The following COL1A2 variants were observed in gnomAD, a reference collection of about 807,000 sequenced individuals.
COL1A2 encodes collagen alpha-2(I) chain.
Under a neutral mutation model 174.3 loss-of-function variants are expected in COL1A2, and 49 were observed. The ratio of observed to expected loss-of-function variants is 0.28; its 90% CI spans 0.22 to 0.36. The LOEUF is 0.36. Ranked by LOEUF, COL1A2 falls within the 10% of genes least tolerant of loss-of-function variation. The probability of loss-of-function intolerance (pLI) is 1.00; values close to 1 mark genes in which losing one functional copy is unlikely to be tolerated. For missense variants in COL1A2, 1,438 were observed against 1,822.7 expected (o/e 0.79, Z 3.84); for synonymous variants, 655 against 606.6 (o/e 1.08, Z -1.17).
At chr7:94,429,869 A>AT (rs1792363478) in intron 51 of COL1A2, 1 of 271,402 alleles carries the variant, frequency 3.7e-6, no homozygotes, top group South Asian at 5.3e-5. Flanking sequence ...TATGCTATAA[A>AT]TATAAGAAAA....
At chr7:94,421,308 C>A in intron 38 of COL1A2, 1 of 569,184 alleles carries the variant, frequency 1.8e-6, no homozygotes, top group Non-Finnish European at 3.1e-6. Flanking sequence ...ATTGTAAAGT[C>A]GGAAAAAATA....
At chr7:94,411,651 G>A (rs42522) in intron 23 of COL1A2, among the ~76,000 whole-genome samples, 119,008 of 152,132 alleles carry the variant, frequency 0.78, 46,767 homozygotes, top group East Asian at 0.91. Context: ...TGCCTCCATT[G>A]CCTCTTATGG....
rs776853005 is a variant in COL1A2 at position 94,410,437 on chromosome 7, A to C, written c.1107A>C (p.Gln369His). The C allele has an allele frequency of 1.3e-6, 2 of 1,551,490 alleles. No homozygotes were observed. Among genetic ancestry groups the C allele is most frequent in the Non-Finnish European group, 1.7e-6 (2 of 1,147,370 alleles). Residue 369 changes from glutamine (Q) to histidine (H), a missense_variant, in exon 21 of 52, where the codon CAA becomes CAC. By Grantham distance (24) the Gln-to-His change is conservative. Transcript: ENST00000297268. Reference sequence around the variant, plus strand: ...TTAAACAGGGCTCTGCTGGGCCCCAAGGTCCTCCTGGTCCCAGTGGTGAAG... The same window carrying C: ...TTAAACAGGGCTCTGCTGGGCCCCACGGTCCTCCTGGTCCCAGTGGTGAAG... The part of the protein sequence containing the change: ...NKGEPGSAGP[Q>H]GPPGPSGEEG...
rs750457065 is a variant in COL1A2, at chr7:94,417,747, T to C, written c.1887T>C (p.Ala629=). 1.3e-6 allele frequency: 2 copies of C among 1,599,040 alleles called. No homozygotes were observed. Among genetic ancestry groups the C allele is most frequent in the Non-Finnish European group, 1.7e-6 (2 of 1,172,684 alleles). ...GNKGEPGVVG[A]VGTAGPSGPS... ...AGGGTGAACCTGGTGTGGTTGGTGC[T>C]GTGGGCACTGCTGGTCCATCTGGTC... is the stretch of plus-strand genomic sequence containing the variant. The change falls in exon 32 of 52, where the codon GCT becomes GCC. Residue 629 remains alanine (A), a synonymous_variant. Coordinates refer to ENST00000297268, the MANE Select transcript of COL1A2 (RefSeq NM_000089.4).
At chr7:94,424,284 T>A (rs1792228857) in intron 40 of COL1A2, 52 bp from the exon 41 acceptor site, 1 of 1,473,110 alleles carries the variant, frequency 6.8e-7, no homozygotes, top group East Asian at 2.3e-5. Context: ...AGCCAACCTG[T>A]GTTATCACCT....
chr7:94,399,193 T>C (rs959499785), intron 4 of COL1A2, 109 bp downstream of exon 4: 5 of 981,712 alleles, frequency 5.1e-6, no homozygotes, highest in Non-Finnish European at 8.2e-6. Flanking sequence ...CAGATAATTG[T>C]ACACCCCTTT....
chr7:94,402,349 T>A (rs1791704209), intron 6 of COL1A2, among the ~76,000 whole-genome samples: 1 of 152,098 alleles, frequency 6.6e-6, no homozygotes, highest in South Asian at 2.1e-4. Flanking sequence ...ATATAGGAAA[T>A]GTTTCTTTTT....
At chr7:94,415,183 G>A in intron 29 of COL1A2, 43 bp from the exon 30 acceptor site, 1 of 1,574,524 alleles carries the variant, frequency 6.4e-7, no homozygotes, top group East Asian at 2.2e-5. Context: ...TGAATTTAGA[G>A]ATCACACACA....
In COL1A2 at chr7:94,426,745, A is replaced by C. The variant is rs763800647; in HGVS notation, c.3105+215A>C. ...GAGATAGAAATAGACATACAATAAA[A>C]TCTCCTGGTAACAATGTCCTTCAAC... On this transcript the variant is annotated intron_variant, in intron 46 of 51. Coordinates refer to ENST00000297268, the MANE Select transcript of COL1A2 (RefSeq NM_000089.4). 3.4e-4 allele frequency: 217 copies of C among 630,250 alleles called. 1 individual carries two copies. The highest frequency in any genetic ancestry group is 5.4e-4 in the Non-Finnish European group (193 of 358,986). 39.0% of individuals were successfully genotyped at this position (630,250 alleles called of 1,614,324 possible).
At chr7:94,414,196 A>G in intron 28 of COL1A2, 26 bp from the exon 29 acceptor site, 1 of 1,613,426 alleles carries the variant, frequency 6.2e-7, no homozygotes, top group Non-Finnish European at 8.5e-7. Flanking sequence ...CATGGGATTG[A>G]GATTTGTATT....
chr7:94,427,253 A>G lies in COL1A2; in HGVS notation c.3225A>G (p.Gly1075=), dbSNP rs756009155. The G allele has an allele frequency of 1.2e-6, 2 of 1,613,764 alleles. No individual in the cohort carries two copies. The highest frequency in any genetic ancestry group is 1.7e-4 in the Middle Eastern group (1 of 6,054). Residue 1075 remains glycine (G), a synonymous_variant, in exon 48 of 52, where the codon GGA becomes GGG. Coordinates refer to ENST00000297268, the MANE Select transcript of COL1A2 (RefSeq NM_000089.4). ...GCACTGGACATCCTGGTACAGTTGG[A>G]CCTGCTGGCATTCGAGGCCCTCAGG... ...DGRTGHPGTV[G]PAGIRGPQGH...
At chr7:94,410,963 T>C (rs1348567865) in intron 22 of COL1A2, 21 bp downstream of exon 22, 1 of 1,613,696 alleles carries the variant, frequency 6.2e-7, no homozygotes, top group South Asian at 1.1e-5. Context: ...TATCACTTAC[T>C]TCCTAGAAAG....
intron 25 of COL1A2, 49 bp from the exon 26 acceptor site, chr7:94,413,034 A>G: frequency 1.9e-6 from 3 of 1,571,820 alleles, no homozygotes; most frequent in Non-Finnish European, 2.6e-6. Flanking sequence ...TTAATTTGAC[A>G]TTAAATGTGC....
At chr7:94,414,594 A>G (rs1791998690) in intron 29 of COL1A2, among the ~76,000 whole-genome samples, 1 of 152,210 alleles carries the variant, frequency 6.6e-6, no homozygotes, top group South Asian at 2.1e-4. Flanking sequence ...CCCATAGTGA[A>G]AAAGTAAATG....
At chr7:94,404,957 C>T in intron 9 of COL1A2, 65 bp downstream of exon 9, 3 of 1,573,070 alleles carry the variant, frequency 1.9e-6, no homozygotes, top group Non-Finnish European at 1.7e-6. Flanking sequence ...ACAAGATTTT[C>T]TAGATTCAAA....
chr7:94,420,486 G>A (rs1317567291), intron 36 of COL1A2, 42 bp downstream of exon 36: 28 of 1,614,040 alleles, frequency 1.7e-5, no homozygotes, highest in Middle Eastern at 1.6e-4. Flanking sequence ...AACATCCTAA[G>A]TTGGGGAGTA....
chr7:94,421,221 T>C, intron 38 of COL1A2, 159 bp downstream of exon 38: 1 of 736,532 alleles, frequency 1.4e-6, no homozygotes, highest in East Asian at 2.7e-5. Flanking sequence ...GATGTTAACT[T>C]GAACTCAGCT....
intron 29 of COL1A2, 38 bp from the exon 30 acceptor site, chr7:94,415,188 C>T: frequency 6.3e-7 from 1 of 1,591,454 alleles, no homozygotes; most frequent in South Asian, 1.1e-5. Flanking sequence ...TTAGAGATCA[C>T]ACACAGATTT....
At chr7:94,428,021 C>A in intron 49 of COL1A2, 136 bp downstream of exon 49, 1 of 1,041,520 alleles carries the variant, frequency 9.6e-7, no homozygotes, top group South Asian at 1.4e-5. Context: ...ATTAATGGAG[C>A]GTCATCTTCT....
Sources: allele counts gnomAD v4.1 joint callset (sites outside exome capture counted in the v4.1 genomes callset), GRCh38; gene constraint gnomAD v4.1.1; transcripts MANE v1.5; gene names NCBI Gene and HGNC (gene_info 2026-07-23, HGNC 2026-07-21).